MAD1L1: variants seen among roughly 807,000 people sequenced by gnomAD.
The protein encoded by MAD1L1 is mitotic spindle assembly checkpoint protein MAD1.
A neutral mutation model predicts 96.9 loss-of-function variants in MAD1L1; 95 were observed. The ratio of observed to expected loss-of-function variants is 0.98; its 90% CI spans 0.83 to 1.16. The LOEUF (loss-of-function observed/expected upper bound fraction) is 1.16. Ranked by LOEUF, MAD1L1 falls within the 50% of genes most tolerant of loss-of-function variation. MAD1L1 has a pLI of 0.00. For missense variants in MAD1L1, 1,007 were observed against 954.4 expected (o/e 1.06, Z -0.73); for synonymous variants, 473 against 396.6 (o/e 1.19, Z -2.29).
intron 13 of MAD1L1, among the ~76,000 whole-genome samples, chr7:2,012,863 G>A (rs1027083687): frequency 1.6e-4 from 25 of 152,164 alleles, no homozygotes; most frequent in African/African-American, 6.0e-4. Context: ...CCCAGTGCCT[G>A]AGCCTCTGTG....
At chr7:2,032,141 G>A (rs1380763848) in intron 12 of MAD1L1, among the ~76,000 whole-genome samples, 1 of 152,198 alleles carries the variant, frequency 6.6e-6, no homozygotes, top group Admixed American at 6.5e-5. Flanking sequence ...CCTCATTCAT[G>A]CGGGACGCCC....
chr7:2,195,658 C>T (rs1485133339), intron 10 of MAD1L1, among the ~76,000 whole-genome samples: 1 of 152,216 alleles, frequency 6.6e-6, no homozygotes, highest in Non-Finnish European at 1.5e-5. Flanking sequence ...AACTCAGCCA[C>T]CTCCGCGAAC....
intron 16 of MAD1L1, among the ~76,000 whole-genome samples, chr7:1,938,901 GCGCA>G (rs755436042): frequency 0.044 from 2,697 of 61,166 alleles, 78 homozygotes; most frequent in African/African-American, 0.12. Flanking sequence ...GGCCAGAGGC[GCGCA>G]CACACACACA....
At chr7:2,056,634 C>A (rs1441597342) in intron 12 of MAD1L1, among the ~76,000 whole-genome samples, 2 of 152,206 alleles carry the variant, frequency 1.3e-5, no homozygotes, top group African/African-American at 4.8e-5. Flanking sequence ...CCAAGGCCCA[C>A]CACAGAGCTC....
At chr7:1,884,321 A>G (rs1382518161) in intron 18 of MAD1L1, among the ~76,000 whole-genome samples, 1 of 152,022 alleles carries the variant, frequency 6.6e-6, no homozygotes, top group Admixed American at 6.5e-5. Context: ...CCACCAGTGC[A>G]CCCCTAGCCA....
chr7:1,978,368 A>G (rs1257628882), intron 15 of MAD1L1, among the ~76,000 whole-genome samples: 2 of 152,130 alleles, frequency 1.3e-5, no homozygotes, highest in African/African-American at 4.8e-5. Flanking sequence ...TGGGAGGCAT[A>G]TTTTGCTCAT....
At chr7:1,914,320 G>A (rs1281244668) in intron 17 of MAD1L1, among the ~76,000 whole-genome samples, 1 of 152,252 alleles carries the variant, frequency 6.6e-6, no homozygotes, top group Non-Finnish European at 1.5e-5. Context: ...CCGGGGCAGG[G>A]ATGGTGAGAC....
intron 15 of MAD1L1, among the ~76,000 whole-genome samples, chr7:1,957,961 G>C (rs923494807): frequency 6.6e-6 from 1 of 152,260 alleles, no homozygotes; most frequent in Non-Finnish European, 1.5e-5. Context: ...CCTGTGCGGA[G>C]AAAGTCTCTG....
intron 10 of MAD1L1, among the ~76,000 whole-genome samples, chr7:2,159,961 C>G (rs1009373831): frequency 6.6e-6 from 1 of 152,180 alleles, no homozygotes; most frequent in Non-Finnish European, 1.5e-5. Flanking sequence ...GGCGCAGTGG[C>G]TCATGCCTGT....
intron 17 of MAD1L1, among the ~76,000 whole-genome samples, chr7:1,919,286 C>T (rs180771673): frequency 6.6e-6 from 1 of 152,252 alleles, no homozygotes; most frequent in Non-Finnish European, 1.5e-5. Flanking sequence ...TGACCTCAGG[C>T]TCCCAGGCCG....
At position 2,128,030 on chromosome 7, in the gene MAD1L1, A is replaced by G. The variant is rs144077326; in HGVS notation, c.1073+21122T>C. 1.1e-3 allele frequency among the ~76,000 whole-genome samples: 167 copies of G among 152,310 alleles called. 1 individual carries two copies. The highest frequency in any genetic ancestry group is 3.7e-3 in the African/African-American group (154 of 41,574). On this transcript the variant is annotated intron_variant, in intron 11 of 18. Coordinates refer to ENST00000265854, the MANE Select transcript of MAD1L1 (RefSeq NM_001013836.2). ...ATGAAAGGCCCTGACACTGAGAGAC[A>G]TTCGATAAATAAAACGCTTTTTAAA...
chr7:2,025,721 GA>G (rs1782967802), intron 12 of MAD1L1, among the ~76,000 whole-genome samples: 1 of 152,148 alleles, frequency 6.6e-6, no homozygotes, highest in Admixed American at 6.5e-5. Context: ...AATAGCCTAC[GA>G]ATGGAGCAAA....
intron 11 of MAD1L1, among the ~76,000 whole-genome samples, chr7:2,138,618 C>A (rs1788873827): frequency 2.0e-5 from 3 of 152,196 alleles, no homozygotes; most frequent in African/African-American, 7.2e-5. Flanking sequence ...GCTCTCAAGG[C>A]CACACCGCCA....
At chr7:2,190,393 G>A (rs978887638) in intron 10 of MAD1L1, among the ~76,000 whole-genome samples, 2 of 152,202 alleles carry the variant, frequency 1.3e-5, no homozygotes, top group Non-Finnish European at 2.9e-5. Context: ...TAAAGTTAAA[G>A]CTAGAAAGTT....
chr7:2,145,056 G>A (rs576856108), intron 11 of MAD1L1, among the ~76,000 whole-genome samples: 13 of 152,220 alleles, frequency 8.5e-5, no homozygotes, highest in South Asian at 2.1e-4. Context: ...CACCCTCCTG[G>A]AGCGCCTTAC....
At chr7:1,927,457 C>T (rs1442855870) in intron 17 of MAD1L1, among the ~76,000 whole-genome samples, 3 of 152,072 alleles carry the variant, frequency 2.0e-5, no homozygotes, top group Non-Finnish European at 4.4e-5. Context: ...TAATCAATAC[C>T]GTGGGGTGTT....
chr7:2,053,603 G>T (rs1784275827), intron 12 of MAD1L1, among the ~76,000 whole-genome samples: 1 of 152,204 alleles, frequency 6.6e-6, no homozygotes, highest in Non-Finnish European at 1.5e-5. Context: ...GGCTGCAGAG[G>T]TGGGGCCCAT....
At chr7:1,970,887 C>G (rs939783627) in intron 15 of MAD1L1, among the ~76,000 whole-genome samples, 2 of 152,150 alleles carry the variant, frequency 1.3e-5, no homozygotes, top group Non-Finnish European at 2.9e-5. Context: ...ATGACCTGCT[C>G]CCCGGATAAG....
At chr7:1,851,964 C>T (rs1285188803) in intron 18 of MAD1L1, among the ~76,000 whole-genome samples, 3 of 152,110 alleles carry the variant, frequency 2.0e-5, no homozygotes, top group Admixed American at 6.6e-5. Context: ...AGGCAGGGCC[C>T]GGCACGGGTG....
Sources: allele counts gnomAD v4.1 joint callset (sites outside exome capture counted in the v4.1 genomes callset), GRCh38; gene constraint gnomAD v4.1.1; transcripts MANE v1.5; gene names NCBI Gene and HGNC (gene_info 2026-07-23, HGNC 2026-07-21).